The following LUZP2 variants were observed in gnomAD, a reference collection of about 807,000 sequenced individuals.
The protein encoded by LUZP2 is leucine zipper protein 2.
LUZP2 carries 52 observed loss-of-function variants against 51.6 expected under a neutral mutation model. The observed-to-expected ratio is 1.01, with a 90% CI of 0.81 to 1.27. The LOEUF is 1.27. Among genes scored for constraint, LUZP2 ranks in the 50% most tolerant of loss-of-function variants. The pLI is 0.00. For missense variants in LUZP2, 436 were observed against 395.4 expected, an observed-to-expected ratio of 1.10 and a Z score of -0.87; for synonymous variants, 154 against 137.3, an observed-to-expected ratio of 1.12 and a Z score of -0.85.
At chr11:24,801,163 C>T (rs1347562167) in intron 5 of LUZP2, among the ~76,000 whole-genome samples, 1 of 152,022 alleles carries the variant, frequency 6.6e-6, no homozygotes, top group Non-Finnish European at 1.5e-5. Flanking sequence ...AACATATAAC[C>T]CATCACTTTA....
chr11:24,908,972 A>G (rs538545950), intron 6 of LUZP2, among the ~76,000 whole-genome samples: 41 of 151,804 alleles, frequency 2.7e-4, no homozygotes, highest in African/African-American at 9.9e-4. Context: ...TGTGTTAGCC[A>G]GGATGGTCTT....
chr11:24,542,830 C>T (rs989980151), intron 1 of LUZP2, among the ~76,000 whole-genome samples: 11 of 151,626 alleles, frequency 7.3e-5, no homozygotes, highest in African/African-American at 2.7e-4. Context: ...ATCAGCGACA[C>T]TTCAGAAAAT....
At chr11:24,952,486 G>C (rs1855104634) in intron 7 of LUZP2, among the ~76,000 whole-genome samples, 1 of 151,584 alleles carries the variant, frequency 6.6e-6, no homozygotes, top group South Asian at 2.1e-4. Context: ...GAAAGGAATG[G>C]GGAATTGAGA....
rs3078023 is a variant in LUZP2 at position 24,635,421 on chromosome 11, A to AGTGTGTGTGT, written c.63-93737_63-93728dup. ...GATTTTAAACCTCAAATCAGAAAAG[A>AGTGTGTGTGT]GTGTGTGTGTGTGTGTGTGTATTCA... is the stretch of plus-strand genomic sequence containing the variant. On this transcript the variant is annotated intron_variant, in intron 1 of 11. Transcript: ENST00000336930. 4.7e-4 allele frequency among the ~76,000 whole-genome samples: 71 copies of AGTGTGTGTGT among 150,298 alleles called. 2 individuals carry two copies. In the South Asian group the frequency reaches 0.011, roughly 23 times the overall value.
intron 7 of LUZP2, among the ~76,000 whole-genome samples, chr11:24,920,668 A>T (rs1204992905): frequency 6.6e-6 from 1 of 151,912 alleles, no homozygotes; most frequent in African/African-American, 2.4e-5. Context: ...TATCTTAATT[A>T]AGTGAAACAA....
chr11:24,593,995 A>G (rs191044796), intron 1 of LUZP2, among the ~76,000 whole-genome samples: 11 of 152,326 alleles, frequency 7.2e-5, no homozygotes, highest in Admixed American at 5.9e-4. Context: ...GCTGTTGTAT[A>G]TACCTGCCAG....
chr11:24,999,472 GAAA>G lies in LUZP2; in HGVS notation c.765+16182_765+16184del, dbSNP rs1856611732. Among the ~76,000 whole-genome samples, 3 of 150,818 alleles carry G rather than the reference GAAA, an allele frequency of 2.0e-5. No homozygotes were observed. The South Asian group carries it at 6.3e-4, about 32-fold the overall frequency. ...AGGAGAAAGAAGAGAAGGAAAAGGA[GAAA>G]AAGAAGAAGAAGAGAGAAAGAGAAG... On this transcript the variant is annotated intron_variant, in intron 9 of 11. Coordinates refer to ENST00000336930, the MANE Select transcript of LUZP2 (RefSeq NM_001009909.4).
rs72192382 is a variant in LUZP2 at position 24,640,957 on chromosome 11, G to GTATAGA, written c.63-88159_63-88154dup. Among the ~76,000 whole-genome samples the GTATAGA allele has an allele frequency of 3.2e-3, 466 of 145,290 alleles. 1 individual carries two copies. Among genetic ancestry groups the GTATAGA allele is most frequent in the East Asian group, 7.3e-3 (36 of 4,924 alleles). On this transcript the variant is annotated intron_variant, in intron 1 of 11. Transcript: ENST00000336930. ...TGTATGTATGTGTATATCTATATCTGTATAGATATAGATATAGATATAGAT... is the reference window on the plus strand; with the variant it reads ...TGTATGTATGTGTATATCTATATCTGTATAGATATAGATATAGATATAGATATAGAT...
At chr11:24,719,531 A>T (rs1362855029) in intron 1 of LUZP2, among the ~76,000 whole-genome samples, 1 of 152,230 alleles carries the variant, frequency 6.6e-6, no homozygotes, top group Non-Finnish European at 1.5e-5. Flanking sequence ...ACAAGTACTC[A>T]ACTGGCCAAT....
Position 24,825,604 on chromosome 11 carries a change from A to G in LUZP2, c.396+62296A>G, listed in dbSNP as rs146944016. Among the ~76,000 whole-genome samples the G allele has an allele frequency of 3.0e-3, 460 of 152,324 alleles. 2 individuals carry two copies. Among genetic ancestry groups the G allele is most frequent in the African/African-American group, 0.011 (446 of 41,580 alleles). On this transcript the variant is annotated intron_variant, in intron 5 of 11. Coordinates refer to ENST00000336930, the MANE Select transcript of LUZP2 (RefSeq NM_001009909.4). The stretch of plus-strand genomic sequence containing the variant: ...AGGGTCTCAAGGTGAAATAAGGTAG[A>G]CTTTTATTTTGTTCAAAAAATAAGG...
At chr11:24,585,193 G>A (rs1285869301) in intron 1 of LUZP2, among the ~76,000 whole-genome samples, 2 of 151,950 alleles carry the variant, frequency 1.3e-5, no homozygotes, top group South Asian at 2.1e-4. Context: ...GAGAAAATAT[G>A]TGCCTCTTTC....
chr11:24,707,833 G>T (rs909831895), intron 1 of LUZP2, among the ~76,000 whole-genome samples: 1 of 152,126 alleles, frequency 6.6e-6, no homozygotes, highest in Non-Finnish European at 1.5e-5. Context: ...GCAAGGCAAG[G>T]TACTTCTATG....
chr11:24,950,824 CA>C (rs1447931464), intron 7 of LUZP2, among the ~76,000 whole-genome samples: 2 of 151,454 alleles, frequency 1.3e-5, no homozygotes, highest in African/African-American at 4.8e-5. Flanking sequence ...AAGGAAATCT[CA>C]GTGAGGAATT....
intron 1 of LUZP2, among the ~76,000 whole-genome samples, chr11:24,512,027 G>A (rs1280380125): frequency 6.6e-6 from 1 of 152,174 alleles, no homozygotes; most frequent in South Asian, 2.1e-4. Flanking sequence ...GGGGGAGAGT[G>A]AATAAAGAAA....
At chr11:24,975,705 A>G (rs955569702) in intron 7 of LUZP2, among the ~76,000 whole-genome samples, 4 of 152,094 alleles carry the variant, frequency 2.6e-5, no homozygotes, top group Admixed American at 6.6e-5. Context: ...GCTTTGCCCA[A>G]TATCACATAG....
At chr11:25,020,202 A>T (rs1441700180) in intron 9 of LUZP2, among the ~76,000 whole-genome samples, 1 of 152,114 alleles carries the variant, frequency 6.6e-6, no homozygotes, top group African/African-American at 2.4e-5. Flanking sequence ...CAAAAAAAGG[A>T]TGATTTTACT....
intron 1 of LUZP2, among the ~76,000 whole-genome samples, chr11:24,546,958 T>TG: frequency 5.5e-5 from 2 of 36,448 alleles, no homozygotes; most frequent in African/African-American, 2.8e-4. Flanking sequence ...TTGTTGTTGT[T>TG]GTTGTTGGTG....
intron 5 of LUZP2, among the ~76,000 whole-genome samples, chr11:24,851,487 C>A (rs1851393265): frequency 6.6e-6 from 1 of 152,148 alleles, no homozygotes; most frequent in Non-Finnish European, 1.5e-5. Flanking sequence ...TTTTGATGTG[C>A]TACTGGATTC....
intron 5 of LUZP2, among the ~76,000 whole-genome samples, chr11:24,865,744 G>GTGTA (rs1252692403): frequency 1.3e-4 from 20 of 150,334 alleles, no homozygotes; most frequent in African/African-American, 4.7e-4. Flanking sequence ...GTGTGTGTGT[G>GTGTA]TATATATATT....
Sources: allele counts gnomAD v4.1 joint callset (sites outside exome capture counted in the v4.1 genomes callset), GRCh38; gene constraint gnomAD v4.1.1; transcripts MANE v1.5; gene names NCBI Gene and HGNC (gene_info 2026-07-23, HGNC 2026-07-21).